The following PTPRE variants were observed in gnomAD, a reference collection of about 807,000 sequenced individuals.
PTPRE encodes protein tyrosine phosphatase receptor type E.
A neutral mutation model predicts 102.0 loss-of-function variants in PTPRE; 51 were observed. The ratio of observed to expected loss-of-function variants is 0.50; its 90% CI spans 0.40 to 0.63. The LOEUF (loss-of-function observed/expected upper bound fraction) is 0.63. Among genes scored for constraint, PTPRE ranks in the 30% least tolerant of loss-of-function variants. The probability of loss-of-function intolerance (pLI) is 0.00; values close to 1 mark genes in which losing one functional copy is unlikely to be tolerated. For synonymous variants in PTPRE, 345 were observed against 348.2 expected (o/e 0.99, Z 0.10); for missense variants, 752 against 915.1 (o/e 0.82, Z 2.30).
In PTPRE at chr10:128,070,030, T is replaced by A; in HGVS notation, c.1143+203T>A. 1.3e-6 allele frequency: 1 copy of A among 771,972 alleles called. No individual in the cohort carries two copies. The highest frequency in any genetic ancestry group is 2.8e-5 in the Admixed American group (1 of 35,670). The allele number at this position is 771,972 out of a possible 1,614,324, so 47.8% of individuals were successfully genotyped here. On this transcript the variant is annotated intron_variant, in intron 13 of 20. Coordinates refer to ENST00000254667, the MANE Select transcript of PTPRE (RefSeq NM_006504.6). The surrounding 1 kb of genome is among the most constrained non-coding windows in gnomAD (Gnocchi z 4.8). ...TCCTCATCTTTCCCTCGTATCCTCA[T>A]GTGAGATGGGGCAATCCTACTCCCC...
chr10:127,948,703 G>A (rs1040680756), intron 1 of PTPRE, among the ~76,000 whole-genome samples: 6 of 152,138 alleles, frequency 3.9e-5, no homozygotes, highest in Admixed American at 2.6e-4. Flanking sequence ...TCCTTTTAGC[G>A]CTGAATAGCA....
intron 2 of PTPRE, among the ~76,000 whole-genome samples, chr10:128,011,572 GT>G (rs1845016375): frequency 6.6e-6 from 1 of 152,254 alleles, no homozygotes; most frequent in African/African-American, 2.4e-5. Context: ...GCGCGGAAGC[GT>G]CCCCGTAGCC....
At chr10:128,075,410 T>A (rs936548931) in intron 17 of PTPRE, among the ~76,000 whole-genome samples, 1 of 152,196 alleles carries the variant, frequency 6.6e-6, no homozygotes, top group African/African-American at 2.4e-5. Context: ...CTGTATGCAT[T>A]AGCTATTTGT....
intron 1 of PTPRE, among the ~76,000 whole-genome samples, chr10:127,913,720 G>A (rs762407156): frequency 3.3e-5 from 5 of 152,194 alleles, no homozygotes; most frequent in African/African-American, 4.8e-5. Flanking sequence ...GGAAGCTCCT[G>A]TCCAGGCAGG....
At chr10:128,037,550 C>A (rs1365298655) in intron 2 of PTPRE, among the ~76,000 whole-genome samples, 1 of 152,126 alleles carries the variant, frequency 6.6e-6, no homozygotes, top group African/African-American at 2.4e-5. Flanking sequence ...CTGGGGCTTA[C>A]CTGGCTGCCT....
intron 18 of PTPRE, among the ~76,000 whole-genome samples, chr10:128,077,366 A>G (rs1006543770): frequency 2.0e-5 from 3 of 152,216 alleles, no homozygotes; most frequent in Non-Finnish European, 4.4e-5. Context: ...GGCAGTCCTC[A>G]CAGGGATCCA....
At chr10:127,990,724 T>A (rs1852559841) in intron 2 of PTPRE, among the ~76,000 whole-genome samples, 1 of 152,200 alleles carries the variant, frequency 6.6e-6, no homozygotes, top group Admixed American at 6.5e-5. Context: ...CATCTTCCTA[T>A]GAGAAAGCAG....
rs116309766 is a variant in PTPRE, at chr10:127,923,739, C to T, written c.-31+16430C>T. Among the ~76,000 whole-genome samples, 367 of 152,288 alleles carry T rather than the reference C, an allele frequency of 2.4e-3. 1 individual carries two copies. Among genetic ancestry groups the T allele is most frequent in the African/African-American group, 8.3e-3 (346 of 41,564 alleles). Reference sequence around the variant, plus strand: ...AACTCTATCAAGATATCATCCAGCCCAGTGTGGAGACACAATCTTCCTTTA... The same window carrying T: ...AACTCTATCAAGATATCATCCAGCCTAGTGTGGAGACACAATCTTCCTTTA... On this transcript the variant is annotated intron_variant, in intron 1 of 20. Coordinates refer to ENST00000254667, the MANE Select transcript of PTPRE (RefSeq NM_006504.6).
In PTPRE at chr10:128,028,392, G is replaced by A. The variant is rs117083609; in HGVS notation, c.-7-12483G>A. On this transcript the variant is annotated intron_variant, in intron 2 of 20. Transcript: ENST00000254667. This position sits in a 1 kb window ranked among gnomAD's most constrained non-coding sequence, Gnocchi z 4.5. ...GAAGGATATCATTGAGCCCGCGCCC[G>A]CCCCAGGCTGGAATTGCTGGGCCGT... Among the ~76,000 whole-genome samples the A allele has an allele frequency of 6.5e-3, 984 of 152,166 alleles. 8 individuals are homozygous for A. The highest frequency in any genetic ancestry group is 0.045 in the East Asian group (232 of 5,154).
intron 1 of PTPRE, among the ~76,000 whole-genome samples, chr10:127,948,879 T>G (rs1848815946): frequency 6.6e-6 from 1 of 152,192 alleles, no homozygotes; most frequent in African/African-American, 2.4e-5. Context: ...CTGAGTGAAT[T>G]AGGTGGAGAA....
intron 3 of PTPRE, 116 bp downstream of exon 3, chr10:128,041,106 T>G: frequency 2.3e-6 from 2 of 859,150 alleles, no homozygotes; most frequent in Non-Finnish European, 3.7e-6. Context: ...CTGAATTTCT[T>G]AGTGTGCTTT....
chr10:127,909,545 C>T (rs566723799), intron 1 of PTPRE, among the ~76,000 whole-genome samples: 1 of 152,330 alleles, frequency 6.6e-6, no homozygotes, highest in Non-Finnish European at 1.5e-5. Context: ...ATATCAAATG[C>T]CCCTTGACTC....
chr10:128,039,404 C>G (rs1162053333), intron 2 of PTPRE, among the ~76,000 whole-genome samples: 3 of 152,054 alleles, frequency 2.0e-5, no homozygotes, highest in Non-Finnish European at 4.4e-5. Context: ...AAATACCCAG[C>G]ATATAGTAGG....
chr10:127,973,338 A>G (rs1032196461), intron 1 of PTPRE, among the ~76,000 whole-genome samples: 3 of 152,208 alleles, frequency 2.0e-5, no homozygotes, highest in Admixed American at 1.3e-4. Flanking sequence ...TCTATTTTAA[A>G]TAGAGACATG....
intron 1 of PTPRE, among the ~76,000 whole-genome samples, chr10:127,959,309 C>T (rs1849632092): frequency 6.6e-6 from 1 of 152,232 alleles, no homozygotes; most frequent in Non-Finnish European, 1.5e-5. Flanking sequence ...CCAGTTCATG[C>T]ATTCACTCAT....
Position 128,059,991 on chromosome 10 carries a change from C to T in PTPRE, c.512-948C>T, listed in dbSNP as rs115279986. Among the ~76,000 whole-genome samples the T allele has an allele frequency of 6.6e-3, 992 of 151,114 alleles. 14 individuals are homozygous for T. Among genetic ancestry groups the T allele is most frequent in the African/African-American group, 0.023 (952 of 41,176 alleles). On this transcript the variant is annotated intron_variant, in intron 7 of 20. Transcript: ENST00000254667. ...ACACACCCACCGCACATAACGCACA[C>T]ACATACACACTCCACACACACACCA...
At chr10:128,074,566 T>C (rs1851060888) in intron 17 of PTPRE, among the ~76,000 whole-genome samples, 1 of 151,938 alleles carries the variant, frequency 6.6e-6, no homozygotes, top group Admixed American at 6.6e-5. Flanking sequence ...CTTGGGAGGC[T>C]GAGGCAGGGA....
At chr10:128,027,680 A>T (rs1456378910) in intron 2 of PTPRE, among the ~76,000 whole-genome samples, 2 of 152,150 alleles carry the variant, frequency 1.3e-5, no homozygotes, top group Admixed American at 1.3e-4. Context: ...TCATTTCCAC[A>T]CCAGCATTCG....
intron 2 of PTPRE, among the ~76,000 whole-genome samples, chr10:128,018,192 G>C (rs887723425): frequency 6.6e-6 from 1 of 152,062 alleles, no homozygotes; most frequent in African/African-American, 2.4e-5. Context: ...TTTGGGGCGG[G>C]GGGCATGAGA....
Sources: allele counts gnomAD v4.1 joint callset (sites outside exome capture counted in the v4.1 genomes callset), GRCh38; gene constraint gnomAD v4.1.1; non-coding constraint Gnocchi (gnomAD v3.1); transcripts MANE v1.5; gene names NCBI Gene and HGNC (gene_info 2026-07-23, HGNC 2026-07-21).